DOCK3: variants seen among roughly 807,000 people sequenced by gnomAD.
DOCK3 encodes the protein dedicator of cytokinesis 3.
DOCK3 carries 60 observed loss-of-function variants against 265.6 expected under a neutral mutation model. That is an observed-to-expected ratio of 0.23 (90% confidence interval 0.18 to 0.28). DOCK3 has a LOEUF of 0.28. Ranked by LOEUF, DOCK3 falls within the 10% of genes least tolerant of loss-of-function variation. DOCK3 has a pLI of 1.00. For synonymous variants in DOCK3, 881 were observed against 938.0 expected, an observed-to-expected ratio of 0.94 and a Z score of 1.11; for missense variants, 1,981 against 2,594.3, an observed-to-expected ratio of 0.76 and a Z score of 5.14.
intron 27 of DOCK3, among the ~76,000 whole-genome samples, chr3:51,291,953 CAATA>C (rs1392755719): frequency 6.6e-6 from 1 of 152,096 alleles, no homozygotes; most frequent in African/African-American, 2.4e-5. Context: ...ATACTCAGAT[CAATA>C]AATGTGATTC....
chr3:51,089,204 T>C, intron 7 of DOCK3, 39 bp from the exon 8 acceptor site: 2 of 1,574,540 alleles, frequency 1.3e-6, no homozygotes, highest in South Asian at 1.2e-5. Context: ...TTTAGTTTCT[T>C]TCCCGGTAGA....
chr3:51,224,941 A>G (rs2108345728), intron 14 of DOCK3, among the ~76,000 whole-genome samples: 1 of 152,300 alleles, frequency 6.6e-6, no homozygotes, highest in East Asian at 1.9e-4. Flanking sequence ...CCAGTCTTGA[A>G]CAACAGAGTT....
At chr3:51,031,042 G>A (rs545547234) in intron 5 of DOCK3, among the ~76,000 whole-genome samples, 9 of 152,126 alleles carry the variant, frequency 5.9e-5, no homozygotes, top group Non-Finnish European at 1.3e-4. Flanking sequence ...TTTTTCATAT[G>A]TTTTAGCTGT....
At chr3:51,308,654 A>G (rs972508027) in intron 27 of DOCK3, among the ~76,000 whole-genome samples, 6 of 152,166 alleles carry the variant, frequency 3.9e-5, no homozygotes, top group African/African-American at 9.7e-5. Flanking sequence ...CCATTTCTCA[A>G]TCTTTTCCCC....
At chr3:50,896,408 T>C (rs539072264) in intron 4 of DOCK3, among the ~76,000 whole-genome samples, 1 of 152,318 alleles carries the variant, frequency 6.6e-6, no homozygotes, top group African/African-American at 2.4e-5. Context: ...ATGGAGAGAT[T>C]GCAAACATTT....
chr3:51,250,306 A>C (rs2079142368), intron 22 of DOCK3, among the ~76,000 whole-genome samples: 1 of 148,282 alleles, frequency 6.7e-6, no homozygotes, highest in Non-Finnish European at 1.5e-5. Context: ...ATAATAAAAA[A>C]TAAAAAACAA....
chr3:50,921,312 T>C (rs926052345), intron 4 of DOCK3, among the ~76,000 whole-genome samples: 1 of 152,210 alleles, frequency 6.6e-6, no homozygotes, highest in African/African-American at 2.4e-5. Flanking sequence ...CTTCAGTCAC[T>C]GATACCCTTT....
Position 51,356,204 on chromosome 3 carries a change from G to T in DOCK3, c.4365G>T (p.Arg1455=), listed in dbSNP as rs750134727. 4 of 1,613,990 alleles carry T rather than the reference G, an allele frequency of 2.5e-6. No homozygotes were observed. Among genetic ancestry groups the T allele is most frequent in the Non-Finnish European group, 3.4e-6 (4 of 1,179,892 alleles). ...GCGTCAACAATGTGAGGAAGTTCCGGTATGACAGGCCTTTTCACAAAGGCC... is the reference window on the plus strand; with the variant it reads ...GCGTCAACAATGTGAGGAAGTTCCGTTATGACAGGCCTTTTCACAAAGGCC... ...FYRVNNVRKF[R]YDRPFHKGPK... is the part of the protein sequence containing the mutation. Residue 1455 remains arginine, a synonymous_variant, in exon 42 of 53, where the codon CGG becomes CGT. Transcript: ENST00000266037.
In DOCK3 at chr3:51,367,059, T is replaced by C. The variant is rs568167682; in HGVS notation, c.5293+4385T>C. 3.3e-5 allele frequency among the ~76,000 whole-genome samples: 5 copies of C among 152,356 alleles called. No individual in the cohort carries two copies. The South Asian group carries it at 1.0e-3, about 32-fold the overall frequency. ...TGGATATTCTTGTTAACTTTCTGTC[T>C]CATTGATCTGTCTAGTATTAACAGT... On this transcript the variant is annotated intron_variant, in intron 49 of 52. Coordinates refer to ENST00000266037, the MANE Select transcript of DOCK3 (RefSeq NM_004947.5).
chr3:51,120,593 C>T (rs181298838), intron 9 of DOCK3, among the ~76,000 whole-genome samples: 24 of 152,298 alleles, frequency 1.6e-4, no homozygotes, highest in Admixed American at 8.5e-4. Context: ...GTGCTCTGTC[C>T]CAGGGAGATG....
chr3:50,690,160 G>T (rs978519010), intron 1 of DOCK3, among the ~76,000 whole-genome samples: 1 of 149,892 alleles, frequency 6.7e-6, no homozygotes, highest in Non-Finnish European at 1.5e-5. Flanking sequence ...TGGAGACAAG[G>T]TCTTGCTCTC....
At chr3:50,725,592 A>G (rs1331210504) in intron 1 of DOCK3, among the ~76,000 whole-genome samples, 2 of 152,182 alleles carry the variant, frequency 1.3e-5, no homozygotes, top group East Asian at 1.9e-4. Flanking sequence ...TAATGAAGAA[A>G]GAGGCTGATA....
chr3:50,699,272 A>AT, intron 1 of DOCK3, among the ~76,000 whole-genome samples: 1 of 152,136 alleles, frequency 6.6e-6, no homozygotes, highest in East Asian at 1.9e-4. Flanking sequence ...TCACTGGTCT[A>AT]TTTGTCTGTC....
chr3:51,099,646 T>C (rs2083002067), intron 9 of DOCK3, among the ~76,000 whole-genome samples: 1 of 152,238 alleles, frequency 6.6e-6, no homozygotes, highest in African/African-American at 2.4e-5. Flanking sequence ...GCACCAAATG[T>C]TTATTTTTAC....
At chr3:51,310,500 G>A (rs573336157) in intron 28 of DOCK3, among the ~76,000 whole-genome samples, 174 bp downstream of exon 28, 5 of 152,380 alleles carry the variant, frequency 3.3e-5, no homozygotes, top group African/African-American at 9.6e-5. Flanking sequence ...TGATGGCACA[G>A]TAAGGATAGA....
In DOCK3 at chr3:51,063,720, C is replaced by CT. The variant is rs542427134; in HGVS notation, c.316-722dup. 1.6e-4 allele frequency among the ~76,000 whole-genome samples: 25 copies of CT among 152,224 alleles called. No homozygotes were observed. The South Asian group carries it at 5.2e-3, about 32-fold the overall frequency. Reference sequence around the variant, plus strand: ...ACTCATACATTATTTTTAAGTACATCTTTTTTCTGAAGCATCTATTCTCAT... The same window carrying CT: ...ACTCATACATTATTTTTAAGTACATCTTTTTTTCTGAAGCATCTATTCTCAT... On this transcript the variant is annotated intron_variant, in intron 5 of 52. Transcript: ENST00000266037.
chr3:51,349,707 A>AC (rs879731434), intron 39 of DOCK3, among the ~76,000 whole-genome samples: 3 of 152,234 alleles, frequency 2.0e-5, no homozygotes, highest in Non-Finnish European at 4.4e-5. Context: ...GGAATGCTAG[A>AC]CATCATGGAT....
chr3:50,775,739 C>T (rs2041555037), intron 1 of DOCK3, among the ~76,000 whole-genome samples: 1 of 152,020 alleles, frequency 6.6e-6, no homozygotes, highest in South Asian at 2.1e-4. Context: ...TATTTCTCAA[C>T]CCCTTCCACC....
intron 32 of DOCK3, among the ~76,000 whole-genome samples, chr3:51,319,218 T>C (rs964118376): frequency 6.6e-6 from 1 of 152,202 alleles, no homozygotes; most frequent in South Asian, 2.1e-4. Flanking sequence ...GCTCTAAGTT[T>C]TTTATAGATT....
Sources: allele counts gnomAD v4.1 joint callset (sites outside exome capture counted in the v4.1 genomes callset), GRCh38; gene constraint gnomAD v4.1.1; transcripts MANE v1.5; gene names NCBI Gene and HGNC (gene_info 2026-07-23, HGNC 2026-07-21).